Variants in CPED1 observed in about 807,000 individuals in gnomAD.
CPED1 encodes cadherin like and PC-esterase domain containing 1, also known as cadherin-like and PC-esterase domain-containing protein 1.
Under a neutral mutation model 128.2 loss-of-function variants are expected in CPED1, and 114 were observed. That is an observed-to-expected ratio of 0.89 (90% CI 0.76 to 1.04). The LOEUF (loss-of-function observed/expected upper bound fraction) is 1.04, where lower values mean the gene tolerates loss of function less well. Ranked by LOEUF, CPED1 falls within the 50% of genes least tolerant of loss-of-function variation. The pLI, the probability that CPED1 is intolerant of heterozygous loss-of-function variation, is 0.00. For missense variants in CPED1, 1,211 were observed against 1,207.1 expected (o/e 1.00, Z -0.05); for synonymous variants, 462 against 426.7 (o/e 1.08, Z -1.02).
At chr7:120,998,585 A>C (rs1796449463) in intron 2 of CPED1, among the ~76,000 whole-genome samples, 1 of 152,152 alleles carries the variant, frequency 6.6e-6, no homozygotes. Context: ...TTTGGCCTTC[A>C]CAAAGTCAGT....
intron 3 of CPED1, among the ~76,000 whole-genome samples, chr7:121,028,980 T>A (rs1346288564): frequency 6.6e-6 from 1 of 152,256 alleles, no homozygotes; most frequent in East Asian, 1.9e-4. Flanking sequence ...AAACCATTTT[T>A]AGCTTTATTA....
At chr7:121,272,740 G>C (rs1792257729) in intron 22 of CPED1, among the ~76,000 whole-genome samples, 1 of 152,038 alleles carries the variant, frequency 6.6e-6, no homozygotes, top group Admixed American at 6.6e-5. Flanking sequence ...CTGATCTGTA[G>C]CCACAGTATA....
At chr7:121,169,807 T>C (rs1429219885) in intron 16 of CPED1, among the ~76,000 whole-genome samples, 1 of 152,238 alleles carries the variant, frequency 6.6e-6, no homozygotes, top group Non-Finnish European at 1.5e-5. Context: ...CAGGGACTGA[T>C]AAAATAATTT....
Position 121,236,779 on chromosome 7 carries a change from T to G in CPED1, c.2121T>G (p.Ile707Met). 6.2e-7 allele frequency: 1 copy of G among 1,610,170 alleles called. No individual in the cohort carries two copies. The highest frequency in any genetic ancestry group is 8.5e-7 in the Non-Finnish European group (1 of 1,178,368). Reference protein sequence around the residue: ...CGLQPISSDYIEAILQSELKR... With the variant: ...CGLQPISSDYMEAILQSELKR... ...TACAGCCTATTTCTTCTGACTACAT[T>G]GAAGCCATTTTACAGTCTGAACTAA... is the stretch of plus-strand genomic sequence containing the variant. Residue 707 changes from isoleucine to methionine, a missense_variant, in exon 17 of 23, where the codon ATT becomes ATG. By Grantham distance (10) the Ile-to-Met change is conservative (BLOSUM62 1). Transcript: ENST00000310396.
chr7:121,137,531 CAATTT>C (rs1414015677), intron 14 of CPED1, among the ~76,000 whole-genome samples: 1 of 151,938 alleles, frequency 6.6e-6, no homozygotes, highest in Non-Finnish European at 1.5e-5. Context: ...ATCTAAAATG[CAATTT>C]AATTCATTCA....
intron 16 of CPED1, among the ~76,000 whole-genome samples, chr7:121,223,488 G>A (rs1177600657): frequency 1.3e-5 from 2 of 152,112 alleles, no homozygotes. Context: ...AGTTAGGGAG[G>A]ATTCTCTCTT....
chr7:121,255,581 A>G (rs1341371837), intron 18 of CPED1, among the ~76,000 whole-genome samples: 2 of 152,208 alleles, frequency 1.3e-5, no homozygotes, highest in South Asian at 4.1e-4. Flanking sequence ...CAGGCAGAGA[A>G]AGAAATAAAT....
At chr7:121,176,690 C>T (rs1796786694) in intron 16 of CPED1, among the ~76,000 whole-genome samples, 3 of 152,162 alleles carry the variant, frequency 2.0e-5, no homozygotes, top group East Asian at 1.9e-4. Flanking sequence ...ATTTTTATAA[C>T]AGCAATTATA....
At chr7:121,290,436 G>C (rs964983014) in intron 22 of CPED1, among the ~76,000 whole-genome samples, 1 of 152,140 alleles carries the variant, frequency 6.6e-6, no homozygotes, top group African/African-American at 2.4e-5. Context: ...GTGTAAAAGC[G>C]TTCCTATTTC....
rs78331122 is a variant in CPED1 at position 121,123,197 on chromosome 7, G to T, written c.919-1134G>T. 7.0e-3 allele frequency among the ~76,000 whole-genome samples: 1,067 copies of T among 152,144 alleles called. 58 individuals carry two copies. In the South Asian group the frequency reaches 0.13, roughly 19 times the overall value. ...CCAAATACTAATGACGCATTCTTAG[G>T]GTCTCTATGTGTAATCTTATTAGGT... On this transcript the variant is annotated intron_variant, in intron 7 of 22. Transcript: ENST00000310396.
intron 3 of CPED1, among the ~76,000 whole-genome samples, chr7:121,039,426 T>G (rs971220829): frequency 6.6e-6 from 1 of 152,020 alleles, no homozygotes; most frequent in African/African-American, 2.4e-5. Flanking sequence ...CCCCAACCCT[T>G]AAAACAGTCA....
chr7:121,075,535 T>C (rs1794102521), intron 5 of CPED1, among the ~76,000 whole-genome samples: 1 of 152,136 alleles, frequency 6.6e-6, no homozygotes, highest in Admixed American at 6.6e-5. Flanking sequence ...TGGCGCGATC[T>C]TGCTGCAACT....
intron 22 of CPED1, among the ~76,000 whole-genome samples, chr7:121,275,133 T>A (rs944562331): frequency 1.3e-5 from 2 of 152,092 alleles, no homozygotes; most frequent in African/African-American, 4.8e-5. Context: ...ATATTGATGT[T>A]TTTTCTTTGG....
intron 16 of CPED1, among the ~76,000 whole-genome samples, chr7:121,181,502 C>A (rs1584575248): frequency 8.0e-6 from 1 of 124,492 alleles, no homozygotes; most frequent in African/African-American, 2.7e-5. Context: ...TTGCTGTGAT[C>A]TGTACATAAA....
intron 2 of CPED1, among the ~76,000 whole-genome samples, chr7:121,006,105 G>A (rs1792007013): frequency 1.3e-5 from 2 of 152,108 alleles, no homozygotes; most frequent in Non-Finnish European, 2.9e-5. Context: ...TGTTGTAATT[G>A]CCCCAATGCT....
chr7:121,244,449 A>G, intron 18 of CPED1, 111 bp downstream of exon 18: 1 of 1,123,310 alleles, frequency 8.9e-7, no homozygotes, highest in Admixed American at 2.2e-5. Context: ...GCAGAGGAAA[A>G]CTAACTGAAT....
rs142308064 is a variant in CPED1, at chr7:121,104,925, A to G, written c.918+4831A>G. On this transcript the variant is annotated intron_variant, in intron 7 of 22. Coordinates refer to ENST00000310396, the MANE Select transcript of CPED1 (RefSeq NM_024913.5). ...GATCATTTGTTTTCCAGTAAATGCA[A>G]TAGACAGATGTCATAATCTGAATTT... is the stretch of plus-strand genomic sequence containing the variant. 3.9e-4 allele frequency among the ~76,000 whole-genome samples: 60 copies of G among 152,252 alleles called. 2 individuals carry two copies. Among genetic ancestry groups the G allele is most frequent in the African/African-American group, 1.4e-3 (58 of 41,550 alleles).
chr7:121,207,347 G>T (rs987820595), intron 16 of CPED1, among the ~76,000 whole-genome samples: 4 of 151,964 alleles, frequency 2.6e-5, no homozygotes, highest in South Asian at 2.1e-4. Flanking sequence ...GTATAAGTGT[G>T]CCTGTTTCCC....
intron 4 of CPED1, among the ~76,000 whole-genome samples, chr7:121,063,739 C>T (rs947928424): frequency 2.0e-5 from 3 of 152,022 alleles, no homozygotes; most frequent in African/African-American, 7.3e-5. Context: ...TTTTCAAACT[C>T]CATATATTTG....
Sources: allele counts gnomAD v4.1 joint callset (sites outside exome capture counted in the v4.1 genomes callset), GRCh38; gene constraint gnomAD v4.1.1; transcripts MANE v1.5; gene names NCBI Gene and HGNC (gene_info 2026-07-23, HGNC 2026-07-21).